Variants in ODF2L observed in about 807,000 individuals in gnomAD.
ODF2L encodes protein BCAP.
Under a neutral mutation model 86.3 loss-of-function variants are expected in ODF2L, and 76 were observed. The observed-to-expected ratio is 0.88, with a 90% CI of 0.73 to 1.07. The LOEUF (loss-of-function observed/expected upper bound fraction) is 1.07. ODF2L is among the 50% of genes least tolerant of loss of function. The pLI is 0.00. For missense variants in ODF2L, 748 were observed against 717.4 expected (o/e 1.04, Z -0.49); for synonymous variants, 241 against 231.3 (o/e 1.04, Z -0.38).
intron 11 of ODF2L, among the ~76,000 whole-genome samples, chr1:86,362,040 T>A (rs1365288618): frequency 1.3e-5 from 2 of 152,096 alleles, no homozygotes; most frequent in Admixed American, 6.5e-5. Context: ...ATAGGAAGTG[T>A]GTCTGTTTAA....
chr1:86,395,742 C>G (rs1330628682), intron 1 of ODF2L, among the ~76,000 whole-genome samples: 1 of 152,062 alleles, frequency 6.6e-6, no homozygotes, highest in Admixed American at 6.6e-5. Flanking sequence ...CCAGGAACGG[C>G]CCGGTCAGGA....
exon 18 of ODF2L, chr1:86,352,004 A>T: frequency 7.9e-7 from 1 of 1,270,342 alleles, no homozygotes; most frequent in Non-Finnish European, 1.0e-6. Context: ...ATGGTGAGTT[A>T]AAAAAAAGTT....
At chr1:86,349,237 CA>C (rs11476580), downstream of ODF2L, 55,419 of 152,830 alleles carry the variant, frequency 0.36, 10,447 homozygotes, top group African/African-American at 0.48. Context: ...CATTTTATTC[CA>C]AAATAATTAA....
intron 1 of ODF2L, among the ~76,000 whole-genome samples, chr1:86,394,283 G>A (rs1023038511): frequency 6.6e-6 from 1 of 152,028 alleles, no homozygotes; most frequent in Admixed American, 6.6e-5. Context: ...AGGCGTGGTG[G>A]TGGGCACCTG....
intron 9 of ODF2L, among the ~76,000 whole-genome samples, chr1:86,371,509 T>C (rs1038816586): frequency 2.0e-5 from 3 of 152,132 alleles, no homozygotes; most frequent in Admixed American, 2.0e-4. Flanking sequence ...AGGGACAAGG[T>C]TAAAGAAAAG....
exon 4 of ODF2L, chr1:86,384,697 A>G: frequency 4.7e-6 from 7 of 1,503,328 alleles, no homozygotes; most frequent in Non-Finnish European, 6.2e-6. Flanking sequence ...CTCTCTTTCT[A>G]AGAAGATGTT....
intron 12 of ODF2L, among the ~76,000 whole-genome samples, chr1:86,359,431 C>T (rs920528682): frequency 1.3e-5 from 2 of 151,830 alleles, no homozygotes; most frequent in Non-Finnish European, 1.5e-5. Flanking sequence ...GATGTCTCAA[C>T]TTAATTTTCC....
At chr1:86,369,492 G>A (rs932838709) in intron 10 of ODF2L, among the ~76,000 whole-genome samples, 2 of 152,070 alleles carry the variant, frequency 1.3e-5, no homozygotes, top group Non-Finnish European at 2.9e-5. Flanking sequence ...GAAACCAATC[G>A]AGTCTTTCCA....
chr1:86,390,148 C>T (rs879561086), intron 1 of ODF2L, among the ~76,000 whole-genome samples: 2 of 152,124 alleles, frequency 1.3e-5, no homozygotes, highest in Admixed American at 6.5e-5. Flanking sequence ...AAAGGCCGGG[C>T]GTGGTGGCTC....
chr1:86,387,139 ACT>A (rs953350215), intron 1 of ODF2L, 53 bp from the exon 2 acceptor site: 69 of 530,164 alleles, frequency 1.3e-4, no homozygotes, highest in Middle Eastern at 4.6e-4. Context: ...TTTTGTCATT[ACT>A]CTCTCATAAA....
Position 86,387,047 on chromosome 1 carries a change from A to AT in ODF2L, c.-21dup. On this transcript the variant is annotated 5_prime_UTR_variant, in exon 2 of 18. An upstream open reading frame in the 5' UTR gains an earlier in-frame stop. Transcript: ENST00000317336. Reference sequence around the variant, plus strand: ...CTCCATAAATTCAGTAAATGGATTTATAGGTGGCTTCACAGCGACTTCTCC... The same window carrying AT: ...CTCCATAAATTCAGTAAATGGATTTATTAGGTGGCTTCACAGCGACTTCTCC... 1 of 1,280,106 alleles carries AT rather than the reference A, an allele frequency of 7.8e-7. No homozygotes were observed. The highest frequency in any genetic ancestry group is 1.1e-6 in the Non-Finnish European group (1 of 915,500). The allele number at this position is 1,280,106 out of a possible 1,614,324, so 79.3% of individuals were successfully genotyped here.
intron 12 of ODF2L, among the ~76,000 whole-genome samples, chr1:86,359,674 T>C (rs1658891005): frequency 6.6e-6 from 1 of 151,930 alleles, no homozygotes; most frequent in Admixed American, 6.6e-5. Context: ...CAGGTGCATG[T>C]CACCACACCT....
intron 11 of ODF2L, among the ~76,000 whole-genome samples, chr1:86,362,137 G>A (rs1310397984): frequency 6.6e-6 from 1 of 152,036 alleles, no homozygotes; most frequent in Non-Finnish European, 1.5e-5. Context: ...GAAAAAAGGG[G>A]AAGAGTGGAA....
downstream of ODF2L, chr1:86,348,624 T>C (rs1231562483): frequency 2.3e-6 from 2 of 852,136 alleles, no homozygotes; most frequent in Admixed American, 9.2e-5. Flanking sequence ...AATCTTTACA[T>C]AAAAACCTCT....
chr1:86,374,140 C>T (rs1438626541), intron 8 of ODF2L, among the ~76,000 whole-genome samples: 1 of 152,086 alleles, frequency 6.6e-6, no homozygotes, highest in East Asian at 1.9e-4. Flanking sequence ...ATCATTCATC[C>T]ATTTACTGAG....
chr1:86,395,636 C>T (rs1298028799), intron 1 of ODF2L, among the ~76,000 whole-genome samples: 1 of 152,156 alleles, frequency 6.6e-6, no homozygotes, highest in Non-Finnish European at 1.5e-5. Flanking sequence ...ACGAAGCCCC[C>T]AGGGCTTCCT....
exon 14 of ODF2L, chr1:86,356,591 C>T: frequency 1.2e-6 from 2 of 1,613,506 alleles, no homozygotes; most frequent in Non-Finnish European, 1.7e-6. Flanking sequence ...GAGACTCCAT[C>T]TGGCCTCTCA....
At chr1:86,347,484 A>G (rs1486870334), downstream of ODF2L, 1 of 152,130 alleles carries the variant, frequency 6.6e-6, no homozygotes. Context: ...TAATCTTGTT[A>G]GCAATTGTTG....
chr1:86,373,689 T>C (rs1570400266), intron 8 of ODF2L, among the ~76,000 whole-genome samples: 1 of 152,162 alleles, frequency 6.6e-6, no homozygotes, highest in East Asian at 1.9e-4. Context: ...CCCTGTGATA[T>C]ACACAGAAAC....
Sources: allele counts gnomAD v4.1 joint callset (sites outside exome capture counted in the v4.1 genomes callset), GRCh38; gene constraint gnomAD v4.1.1; transcripts MANE v1.5; gene names NCBI Gene and HGNC (gene_info 2026-07-23, HGNC 2026-07-21).